The following ANK3 variants were observed in gnomAD, a reference collection of about 807,000 sequenced individuals.
ANK3 encodes ankyrin-3.
ANK3 carries 57 observed loss-of-function variants against 370.9 expected under a neutral mutation model. That is an observed-to-expected ratio of 0.15 (90% CI 0.12 to 0.19). The LOEUF (loss-of-function observed/expected upper bound fraction) is 0.19. ANK3 is among the 10% of genes least tolerant of loss of function. ANK3 has a pLI of 1.00. For synonymous variants in ANK3, 1,929 were observed against 1,946.3 expected, an observed-to-expected ratio of 0.99 and a Z score of 0.23; for missense variants, 4,439 against 5,302.1, an observed-to-expected ratio of 0.84 and a Z score of 5.06.
chr10:60,251,186 A>T (rs1462858370), intron 7 of ANK3, among the ~76,000 whole-genome samples: 1 of 152,148 alleles, frequency 6.6e-6, no homozygotes, highest in Non-Finnish European at 1.5e-5. Context: ...ATTAGTTTGA[A>T]TTTTGTGTTG....
intron 1 of ANK3, among the ~76,000 whole-genome samples, chr10:60,297,600 AAC>A (rs1397984714): frequency 6.6e-6 from 1 of 152,156 alleles, no homozygotes; most frequent in Non-Finnish European, 1.5e-5. Context: ...AGAATTGGCA[AAC>A]GTATTTACTT....
At chr10:60,202,531 T>C (rs2096699227) in intron 12 of ANK3, among the ~76,000 whole-genome samples, 1 of 152,250 alleles carries the variant, frequency 6.6e-6, no homozygotes, top group Non-Finnish European at 1.5e-5. Context: ...CGAGTGTATC[T>C]TGCCTTTGAA....
intron 2 of ANK3, among the ~76,000 whole-genome samples, chr10:60,551,733 G>C (rs1227929210): frequency 6.6e-6 from 1 of 152,052 alleles, no homozygotes; most frequent in Admixed American, 6.6e-5. Context: ...CATTTATATA[G>C]AGACTTTTAT....
intron 1 of ANK3, among the ~76,000 whole-genome samples, chr10:60,674,091 TCA>T (rs1261753079): frequency 6.6e-6 from 1 of 152,120 alleles, no homozygotes; most frequent in Non-Finnish European, 1.5e-5. Context: ...ACATCCATTC[TCA>T]GAGTATGAGA....
chr10:60,389,990 A>G, upstream of ANK3: 1 of 299,182 alleles, frequency 3.3e-6, no homozygotes, highest in Non-Finnish European at 4.9e-6. Flanking sequence ...CCTATTTTAG[A>G]ATCCTTTGAA....
At chr10:60,710,194 T>C (rs542270181) in intron 1 of ANK3, among the ~76,000 whole-genome samples, 67 of 152,276 alleles carry the variant, frequency 4.4e-4, no homozygotes, top group African/African-American at 1.5e-3. Context: ...ACTGGAGAGA[T>C]GAACTGCTCA....
intron 7 of ANK3, among the ~76,000 whole-genome samples, chr10:60,260,625 G>A (rs1401530390): frequency 2.0e-5 from 3 of 152,134 alleles, no homozygotes; most frequent in Admixed American, 6.5e-5. Context: ...CATGGGGAAG[G>A]ACTTCTCATG....
In ANK3 at chr10:60,055,736, C is replaced by T. The variant is rs763252744; in HGVS notation, c.12987G>A (p.Met4329Ile). Reference protein sequence around the residue: ...KPCVPVSMKKMSRTSPADGKP... With the variant: ...KPCVPVSMKKISRTSPADGKP... ...TGCCATCTGCTGGAGAAGTCCTACT[C>T]ATCTTTTTCATACTGACAGGCACAC... Residue 4329 changes from methionine to isoleucine, a missense_variant, in exon 42 of 44, where the codon ATG (methionine) becomes ATA (isoleucine). Coordinates refer to ENST00000280772, the MANE Select transcript of ANK3 (RefSeq NM_020987.5). The T allele has an allele frequency of 4.3e-6, 7 of 1,614,206 alleles. No homozygotes were observed. The Admixed American group carries it at 1.2e-4, about 27-fold the overall frequency.
At chr10:60,419,598 G>A (rs1052829015) in intron 2 of ANK3, among the ~76,000 whole-genome samples, 2 of 152,176 alleles carry the variant, frequency 1.3e-5, no homozygotes, top group African/African-American at 4.8e-5. Flanking sequence ...AATGTCAGAA[G>A]CAAAGTGTCT....
chr10:60,330,315 C>T (rs953584386), intron 1 of ANK3, among the ~76,000 whole-genome samples: 1 of 152,058 alleles, frequency 6.6e-6, no homozygotes, highest in Non-Finnish European at 1.5e-5. Context: ...TTCTGCACAG[C>T]AAAAGAAACT....
intron 36 of ANK3, among the ~76,000 whole-genome samples, chr10:60,077,538 T>G (rs2084109144): frequency 6.6e-6 from 1 of 152,222 alleles, no homozygotes; most frequent in African/African-American, 2.4e-5. Context: ...TTGGTACCTT[T>G]TGAGATTTTA....
At chr10:60,321,666 G>A (rs1366063766) in intron 1 of ANK3, among the ~76,000 whole-genome samples, 3 of 152,312 alleles carry the variant, frequency 2.0e-5, no homozygotes, top group East Asian at 1.9e-4. Flanking sequence ...ACTGAAATTA[G>A]AGAGGTCATA....
intron 2 of ANK3, among the ~76,000 whole-genome samples, chr10:60,567,959 C>T (rs1332010848): frequency 1.3e-5 from 2 of 152,108 alleles, no homozygotes; most frequent in Non-Finnish European, 2.9e-5. Context: ...ACATGACATG[C>T]CTCATGATAA....
At chr10:60,456,090 C>G (rs2064740183) in intron 2 of ANK3, among the ~76,000 whole-genome samples, 2 of 152,154 alleles carry the variant, frequency 1.3e-5, no homozygotes, top group Admixed American at 1.3e-4. Flanking sequence ...TGGAGGTCCA[C>G]CTATATTAAA....
At chr10:60,648,436 G>A (rs2078741525) in intron 1 of ANK3, among the ~76,000 whole-genome samples, 1 of 145,942 alleles carries the variant, frequency 6.9e-6, no homozygotes, top group African/African-American at 2.5e-5. Context: ...TGGGATTACA[G>A]GCGTGAGCCA....
chr10:60,449,201 C>A (rs1318099202), intron 2 of ANK3, among the ~76,000 whole-genome samples: 1 of 151,924 alleles, frequency 6.6e-6, no homozygotes, highest in Admixed American at 6.6e-5. Context: ...AAATATAATG[C>A]CAGCCACATA....
At position 60,073,419 on chromosome 10, in the gene ANK3, C is replaced by A; in HGVS notation, c.7462G>T (p.Ala2488Ser). 6.2e-7 allele frequency: 1 copy of A among 1,613,908 alleles called. No homozygotes were observed. The highest frequency in any genetic ancestry group is 8.5e-7 in the Non-Finnish European group (1 of 1,179,974). Residue 2488 changes from alanine (A) to serine (S), a missense_variant, in exon 37 of 44, where the codon GCA (alanine) becomes TCA (serine). Around this residue, in one of 13 missense-constraint regions of ANK3, gnomAD observed 1,601 missense variants for 1,731.7 expected, o/e 0.92. Coordinates refer to ENST00000280772, the MANE Select transcript of ANK3 (RefSeq NM_020987.5). Reference protein sequence around the residue: ...SDTEESVTDHAGPPSSELQGS... With the variant: ...SDTEESVTDHSGPPSSELQGS... ...TGTAACTCTGAGCTAGGGGGTCCTG[C>A]ATGGTCTGTAACCGATTCCTCAGTA...
At chr10:60,300,430 T>C (rs1368694710) in intron 1 of ANK3, 4 of 1,288,834 alleles carry the variant, frequency 3.1e-6, no homozygotes, top group African/African-American at 1.5e-5. Flanking sequence ...TAAAAATATC[T>C]GCCTTCGGAA....
intron 2 of ANK3, among the ~76,000 whole-genome samples, chr10:60,524,238 C>T (rs2076417301): frequency 6.6e-6 from 1 of 152,040 alleles, no homozygotes; most frequent in Non-Finnish European, 1.5e-5. Flanking sequence ...ACCAGCCATC[C>T]CAGGTAATTC....
Sources: allele counts gnomAD v4.1 joint callset (sites outside exome capture counted in the v4.1 genomes callset), GRCh38; gene constraint gnomAD v4.1.1; regional missense constraint gnomAD v4.1.1; transcripts MANE v1.5; gene names NCBI Gene and HGNC (gene_info 2026-07-23, HGNC 2026-07-21).